The following GRAP2 variants were observed in gnomAD, a reference collection of about 807,000 sequenced individuals.
GRAP2 encodes GRB2-related adapter protein 2.
GRAP2 carries 31 observed loss-of-function variants against 43.5 expected under a neutral mutation model. The ratio of observed to expected loss-of-function variants is 0.71; its 90% CI spans 0.54 to 0.96. GRAP2 has a LOEUF of 0.96. Ranked by LOEUF, GRAP2 falls within the 40% of genes least tolerant of loss-of-function variation. The pLI, the probability that GRAP2 is intolerant of heterozygous loss-of-function variation, is 0.00. For synonymous variants in GRAP2, 156 were observed against 164.8 expected, an observed-to-expected ratio of 0.95 and a Z score of 0.41; for missense variants, 371 against 424.4, an observed-to-expected ratio of 0.87 and a Z score of 1.11.
chr22:39,947,422 C>G (rs377226410), intron 2 of GRAP2: 4 of 519,448 alleles, frequency 7.7e-6, no homozygotes. Flanking sequence ...GGGAACACAT[C>G]CACCCAAAGG....
At chr22:39,950,071 T>G (rs1039658245) in intron 2 of GRAP2, among the ~76,000 whole-genome samples, 2 of 152,072 alleles carry the variant, frequency 1.3e-5, no homozygotes, top group Non-Finnish European at 2.9e-5. Context: ...AGAGACATCT[T>G]TGTAGATGTA....
chr22:39,939,757 A>G (rs1181447843), intron 1 of GRAP2, among the ~76,000 whole-genome samples: 1 of 151,886 alleles, frequency 6.6e-6, no homozygotes, highest in Non-Finnish European at 1.5e-5. Context: ...AAAAATATAA[A>G]AATTAGCGGA....
At chr22:39,905,361 A>T (rs1225980993) in intron 1 of GRAP2, among the ~76,000 whole-genome samples, 1 of 152,172 alleles carries the variant, frequency 6.6e-6, no homozygotes, top group East Asian at 1.9e-4. Flanking sequence ...TATTGAGTGC[A>T]TAAGTTCAGG....
intron 7 of GRAP2, among the ~76,000 whole-genome samples, chr22:39,970,636 G>T (rs1023608272): frequency 6.6e-6 from 1 of 152,058 alleles, no homozygotes; most frequent in African/African-American, 2.4e-5. Context: ...ATTGCAGCAG[G>T]GTAGCCGGGC....
upstream of GRAP2, among the ~76,000 whole-genome samples, chr22:39,900,906 A>G (rs536948493): frequency 6.6e-6 from 1 of 152,336 alleles, no homozygotes; most frequent in African/African-American, 2.4e-5. Context: ...TGTGAACACA[A>G]GTGTTCAGGG....
chr22:39,956,007 G>A, intron 3 of GRAP2, 97 bp downstream of exon 3: 1 of 712,370 alleles, frequency 1.4e-6, no homozygotes, highest in Non-Finnish European at 2.6e-6. Flanking sequence ...CCAAGACATT[G>A]TCAAAAATGG....
At chr22:39,950,232 A>G (rs2145642432) in intron 2 of GRAP2, among the ~76,000 whole-genome samples, 1 of 152,304 alleles carries the variant, frequency 6.6e-6, no homozygotes, top group East Asian at 1.9e-4. Context: ...TCCCAGGGAA[A>G]CAAATCACTC....
At chr22:39,910,583 A>G (rs1404914577) in intron 1 of GRAP2, among the ~76,000 whole-genome samples, 2 of 151,224 alleles carry the variant, frequency 1.3e-5, no homozygotes, top group Non-Finnish European at 2.9e-5. Flanking sequence ...TAATTTTTGT[A>G]TTTTTAGTAG....
At chr22:39,926,469 G>C (rs563784061) in intron 1 of GRAP2, 1 of 311,260 alleles carries the variant, frequency 3.2e-6, no homozygotes, top group Non-Finnish European at 4.5e-6. Context: ...AGTTAGCTCC[G>C]TAAGCCCAAC....
intron 1 of GRAP2, among the ~76,000 whole-genome samples, chr22:39,929,262 CAGAG>C: frequency 6.6e-6 from 1 of 151,918 alleles, no homozygotes; most frequent in Non-Finnish European, 1.5e-5. Flanking sequence ...TCCTGAGAGA[CAGAG>C]GGAAAGAGAG....
intron 3 of GRAP2, among the ~76,000 whole-genome samples, chr22:39,956,956 G>T (rs1460065920): frequency 6.6e-6 from 1 of 152,012 alleles, no homozygotes; most frequent in African/African-American, 2.4e-5. Flanking sequence ...TCACTCAGTG[G>T]GTGGACAGAC....
At chr22:39,926,029 G>A (rs1473081769) in intron 1 of GRAP2, among the ~76,000 whole-genome samples, 3 of 152,166 alleles carry the variant, frequency 2.0e-5, no homozygotes, top group Admixed American at 6.5e-5. Flanking sequence ...CCTCCATGAT[G>A]TCTTGCAATT....
Position 39,960,072 on chromosome 22 carries a change from T to A in GRAP2, c.188T>A (p.Leu63His), listed in dbSNP as rs1273085785. 1 of 1,613,214 alleles carries A rather than the reference T, an allele frequency of 6.2e-7. No homozygotes were observed. Residue 63 changes from leucine (L) to histidine (H), a missense_variant, in exon 4 of 8, where the codon CTC becomes CAC. Coordinates refer to ENST00000344138, the MANE Select transcript of GRAP2 (RefSeq NM_004810.4). ...CCCCACAGATGGTTTCACGAAGGCC[T>A]CTCTCGACACCAGGCAGAGAACTTA... ...IQFPKWFHEGLSRHQAENLLM... is the reference protein window; with the variant it reads ...IQFPKWFHEGHSRHQAENLLM...
intron 1 of GRAP2, among the ~76,000 whole-genome samples, chr22:39,932,365 C>T (rs1441315512): frequency 2.0e-5 from 3 of 152,006 alleles, no homozygotes; most frequent in East Asian, 1.9e-4. Flanking sequence ...ATACTTCCTG[C>T]GAGCCACAAC....
intron 1 of GRAP2, among the ~76,000 whole-genome samples, chr22:39,928,747 A>C (rs1230914238): frequency 1.3e-5 from 2 of 152,216 alleles, no homozygotes; most frequent in Non-Finnish European, 2.9e-5. Context: ...CCTGGTTTGT[A>C]CAGTAGTGCA....
chr22:39,962,455 T>C (rs1211696154), intron 4 of GRAP2, among the ~76,000 whole-genome samples: 1 of 151,988 alleles, frequency 6.6e-6, no homozygotes, highest in Non-Finnish European at 1.5e-5. Flanking sequence ...ATATATTATA[T>C]ACATATATTA....
At position 39,939,316 on chromosome 22, in the gene GRAP2, A is replaced by G. The variant is rs1805540878; in HGVS notation, c.-14-7777A>G. Among the ~76,000 whole-genome samples the G allele has an allele frequency of 2.0e-5, 3 of 152,240 alleles. No homozygotes were observed. The South Asian group carries it at 6.2e-4, about 32-fold the overall frequency. On this transcript the variant is annotated intron_variant, in intron 1 of 7. Coordinates refer to ENST00000344138, the MANE Select transcript of GRAP2 (RefSeq NM_004810.4). ...GGTGGCTCGCGCCTGTAATCCCAGC[A>G]CTTTGGGAGGCCGAGGCAGGCAGAT...
intron 1 of GRAP2, among the ~76,000 whole-genome samples, chr22:39,925,373 G>T (rs2066688296): frequency 6.6e-6 from 1 of 152,176 alleles, no homozygotes; most frequent in Non-Finnish European, 1.5e-5. Context: ...TCTCTGCACT[G>T]TAAGACAGTG....
chr22:39,901,508 G>C (rs1183445873), intron 1 of GRAP2, among the ~76,000 whole-genome samples, 178 bp downstream of exon 1: 1 of 152,118 alleles, frequency 6.6e-6, no homozygotes, highest in Non-Finnish European at 1.5e-5. Context: ...TGTGGTGATG[G>C]GATTTGACTT....
Sources: allele counts gnomAD v4.1 joint callset (sites outside exome capture counted in the v4.1 genomes callset), GRCh38; gene constraint gnomAD v4.1.1; transcripts MANE v1.5; gene names NCBI Gene and HGNC (gene_info 2026-07-23, HGNC 2026-07-21).